The following JAG2 variants were observed in gnomAD, a reference collection of about 807,000 sequenced individuals.
JAG2 encodes jagged canonical Notch ligand 2.
Under a neutral mutation model 141.7 loss-of-function variants are expected in JAG2, and 46 were observed. That is an observed-to-expected ratio of 0.32 (90% confidence interval 0.26 to 0.42). The LOEUF (loss-of-function observed/expected upper bound fraction) is 0.42, where lower values mean the gene tolerates loss of function less well. JAG2 is among the 10% of genes least tolerant of loss of function. JAG2 has a pLI of 1.00. For synonymous variants in JAG2, 862 were observed against 763.5 expected (o/e 1.13, Z -2.13); for missense variants, 1,500 against 1,817.5 (o/e 0.83, Z 3.18).
intron 10 of JAG2, 32 bp from the exon 11 acceptor site, chr14:105,150,943 G>C: frequency 6.3e-7 from 1 of 1,595,148 alleles, no homozygotes; most frequent in South Asian, 1.1e-5. Context: ...CAGAGGCGGG[G>C]TCCCATGTGC....
intron 6 of JAG2, 23 bp from the exon 7 acceptor site, chr14:105,152,080 CA>C: frequency 6.2e-7 from 1 of 1,613,086 alleles, no homozygotes; most frequent in South Asian, 1.1e-5. Flanking sequence ...GTGGGATGCT[CA>C]GGGGAAAAGC....
In JAG2 at chr14:105,147,355, G is replaced by A. The variant is rs1888255985; in HGVS notation, c.2450C>T (p.Pro817Leu). Residue 817 changes from proline (P) to leucine (L), a missense_variant, in exon 20 of 26, where the codon CCT becomes CTT. Coordinates refer to ENST00000331782, the MANE Select transcript of JAG2 (RefSeq NM_002226.5). ...GCGGCAGTCAGGCCCCGCGAAGCCA[G>A]GTGCACACTCGCAGCGGAACCAGTT... is the stretch of plus-strand genomic sequence containing the variant. ...GVNWFRCECA[P>L]GFAGPDCRIN... 3 of 1,578,442 alleles carry A rather than the reference G, an allele frequency of 1.9e-6. No individual in the cohort carries two copies. Among genetic ancestry groups the A allele is most frequent in the Non-Finnish European group, 1.7e-6 (2 of 1,162,652 alleles).
intron 19 of JAG2, 41 bp from the exon 20 acceptor site, chr14:105,147,452 A>AT: frequency 6.2e-7 from 1 of 1,609,522 alleles, no homozygotes; most frequent in Non-Finnish European, 8.5e-7. Context: ...CCCCCGTGGT[A>AT]TGCCAAGTCC....
Position 105,167,992 on chromosome 14 carries a change from C to A in JAG2, c.182G>T (p.Gly61Val). Residue 61 changes from glycine (G) to valine (V), a missense_variant, in exon 2 of 26, where the codon GGC becomes GTC. Gly to Val is a moderately radical substitution (Grantham distance 109). Around this residue, in one of 3 missense-constraint regions of JAG2, gnomAD observed 200 missense variants for 174.3 expected, o/e 1.15. Coordinates refer to ENST00000331782, the MANE Select transcript of JAG2 (RefSeq NM_002226.5). This position sits in a 1 kb window ranked among gnomAD's most constrained non-coding sequence, Gnocchi z 4.8. The part of the protein sequence containing the change: ...DGDGRTTRAG[G>V]CGHDECDTYV... Reference sequence around the variant, plus strand: ...CGTGTCGCACTCGTCGTGGCCGCAGCCCCCCGCGCGCGTTGTCCGGCCGTC... The same window carrying A: ...CGTGTCGCACTCGTCGTGGCCGCAGACCCCCGCGCGCGTTGTCCGGCCGTC... 1.9e-6 allele frequency: 3 copies of A among 1,601,654 alleles called. No homozygotes were observed. The highest frequency in any genetic ancestry group is 2.2e-5 in the South Asian group (2 of 90,626).
rs1888817117 is a variant in JAG2 at position 105,163,461 on chromosome 14, G to C, written c.417+4296C>G. On this transcript the variant is annotated intron_variant, in intron 2 of 25. Coordinates refer to ENST00000331782, the MANE Select transcript of JAG2 (RefSeq NM_002226.5). ...CACCGTGAAGACGGTGGCAGCCAGGGCCGGCTAGCACCTGCCACAAAGCCC... is the reference window on the plus strand; with the variant it reads ...CACCGTGAAGACGGTGGCAGCCAGGCCCGGCTAGCACCTGCCACAAAGCCC... Among the ~76,000 whole-genome samples the C allele has an allele frequency of 6.6e-5, 10 of 152,236 alleles. No homozygotes were observed. In the South Asian group the frequency reaches 1.9e-3, roughly 28 times the overall value.
chr14:105,165,514 C>A (rs942255199), intron 2 of JAG2, among the ~76,000 whole-genome samples: 2 of 152,178 alleles, frequency 1.3e-5, no homozygotes, highest in African/African-American at 4.8e-5. Context: ...TCTCCACATT[C>A]AAGACCCTGG....
At position 105,168,399 on chromosome 14, in the gene JAG2, G is replaced by GC; in HGVS notation, c.21dup (p.Arg8AlafsTer44). The stretch of plus-strand genomic sequence containing the variant: ...AGCAGCAGCAGCCGCCGGGGAAGGC[G>GC]CCCCCGGCCCTGCGCCCGCATTGCC... On this transcript the variant is annotated frameshift_variant, in exon 1 of 26. Coordinates refer to ENST00000331782, the MANE Select transcript of JAG2 (RefSeq NM_002226.5). LOFTEE classifies it high-confidence loss of function. 4 of 997,318 alleles carry GC rather than the reference G, an allele frequency of 4.0e-6. No homozygotes were observed. Among genetic ancestry groups the GC allele is most frequent in the South Asian group, 3.0e-5 (1 of 32,998 alleles). 61.8% of individuals were successfully genotyped at this position (997,318 alleles called of 1,614,324 possible). A position where few individuals can be genotyped will look rare whatever the true frequency, so the allele number is the denominator to read the frequency against.
chr14:105,168,326 A>T, intron 1 of JAG2, 29 bp downstream of exon 1: 3 of 439,614 alleles, frequency 6.8e-6, no homozygotes, highest in African/African-American at 2.4e-5. Flanking sequence ...CCCGTCCGCG[A>T]CCCCCGCCGC....
At chr14:105,155,701 C>G (rs1198396729) in intron 4 of JAG2, 37 bp downstream of exon 4, 1 of 1,612,408 alleles carries the variant, frequency 6.2e-7, no homozygotes, top group South Asian at 1.1e-5. Flanking sequence ...TGCCCGAGGC[C>G]CTCCCTGCCC....
chr14:105,168,142 G>T, intron 1 of JAG2, 35 bp from the exon 2 acceptor site: 1 of 1,463,224 alleles, frequency 6.8e-7, no homozygotes, highest in African/African-American at 1.5e-5. Flanking sequence ...GGAGGGAGGC[G>T]CGGGCCGGGG....
At chr14:105,146,281 C>A in intron 22 of JAG2, 104 bp downstream of exon 22, 1 of 1,043,598 alleles carries the variant, frequency 9.6e-7, no homozygotes, top group Non-Finnish European at 1.5e-6. Context: ...AGACGGCTCT[C>A]AGTCCATCCG....
chr14:105,164,464 AG>A (rs1156855311), intron 2 of JAG2, among the ~76,000 whole-genome samples: 1 of 152,154 alleles, frequency 6.6e-6, no homozygotes, highest in African/African-American at 2.4e-5. Context: ...TGTGGGAAGG[AG>A]GGGGGTGGTC....
At chr14:105,143,307 G>A in intron 25 of JAG2, 137 bp from the exon 26 acceptor site, 2 of 1,303,996 alleles carry the variant, frequency 1.5e-6, no homozygotes, top group East Asian at 5.0e-5. Context: ...CGTGGGGAGG[G>A]TCCCAGGACG....
chr14:105,150,395 C>T (rs1046518371), intron 12 of JAG2, among the ~76,000 whole-genome samples: 1 of 152,276 alleles, frequency 6.6e-6, no homozygotes, highest in Non-Finnish European at 1.5e-5. Flanking sequence ...CCCATCACAA[C>T]AAGCAATGGC....
intron 2 of JAG2, among the ~76,000 whole-genome samples, chr14:105,162,528 GC>G (rs1418668690): frequency 2.0e-5 from 3 of 151,278 alleles, no homozygotes; most frequent in Admixed American, 6.6e-5. Context: ...GTATCCCACA[GC>G]CCAGGGCACT....
chr14:105,154,777 C>T lies in JAG2; in HGVS notation c.788+785G>A, dbSNP rs1006920820. ...GTGTCTCCAGGGACAGGGCAGGCAT[C>T]GCCTCTCCACATCCAGCTAACCCCG... On this transcript the variant is annotated intron_variant, in intron 5 of 25. Transcript: ENST00000331782. The surrounding 1 kb of genome is among the most constrained non-coding windows in gnomAD (Gnocchi z 4.4). Among the ~76,000 whole-genome samples, 1 of 152,052 alleles carries T rather than the reference C, an allele frequency of 6.6e-6. No individual in the cohort carries two copies. The highest frequency in any genetic ancestry group is 1.5e-5 in the Non-Finnish European group (1 of 68,002).
At chr14:105,151,880 C>T in intron 7 of JAG2, 58 bp downstream of exon 7, 44 of 1,611,324 alleles carry the variant, frequency 2.7e-5, no homozygotes, top group Middle Eastern at 1.7e-4. Flanking sequence ...GCCTGACCGG[C>T]TCCCCAGGGA....
chr14:105,147,195 G>A (rs959059026), intron 20 of JAG2, 131 bp downstream of exon 20: 24 of 740,688 alleles, frequency 3.2e-5, no homozygotes, highest in East Asian at 1.3e-4. Context: ...GGAAACTGAG[G>A]CTCAGAAGAG....
At position 105,167,233 on chromosome 14, in the gene JAG2, G is replaced by A. The variant is rs1020869221; in HGVS notation, c.417+524C>T. 6.6e-6 allele frequency among the ~76,000 whole-genome samples: 1 copy of A among 152,226 alleles called. No individual in the cohort carries two copies. Among genetic ancestry groups the A allele is most frequent in the East Asian group, 1.9e-4 (1 of 5,182 alleles). ...CTCTGAACGATCTTGGGTCACCATCGGGGGCTTCTGCCGACATAAGCGTTA... is the reference window on the plus strand; with the variant it reads ...CTCTGAACGATCTTGGGTCACCATCAGGGGCTTCTGCCGACATAAGCGTTA... On this transcript the variant is annotated intron_variant, in intron 2 of 25. Coordinates refer to ENST00000331782, the MANE Select transcript of JAG2 (RefSeq NM_002226.5). The surrounding 1 kb of genome is among the most constrained non-coding windows in gnomAD (Gnocchi z 4.8).
Sources: gnomAD v4.1 joint callset for allele counts (sites outside exome capture counted in the v4.1 genomes callset) on GRCh38, gnomAD v4.1.1 for gene constraint, gnomAD v4.1.1 regional missense constraint, Gnocchi (gnomAD v3.1) non-coding constraint, MANE v1.5 for transcripts, NCBI Gene and HGNC (gene_info 2026-07-23, HGNC 2026-07-21) for gene names.